The following PID1 variants were observed in gnomAD, a reference collection of about 807,000 sequenced individuals.
The protein encoded by PID1 is phosphotyrosine interaction domain containing 1, also known as PTB-containing, cubilin and LRP1-interacting protein.
A neutral mutation model predicts 19.1 loss-of-function variants in PID1; 10 were observed. That is an observed-to-expected ratio of 0.52 (90% CI 0.32 to 0.89). The LOEUF (loss-of-function observed/expected upper bound fraction) is 0.89, where lower values mean the gene tolerates loss of function less well. PID1 is among the 40% of genes least tolerant of loss of function. PID1 has a pLI of 0.03. For missense variants in PID1, 248 were observed against 285.3 expected, an observed-to-expected ratio of 0.87 and a Z score of 0.94; for synonymous variants, 130 against 116.0, an observed-to-expected ratio of 1.12 and a Z score of -0.78.
intron 1 of PID1, among the ~76,000 whole-genome samples, chr2:229,213,950 T>C (rs1371015885): frequency 6.6e-6 from 1 of 152,224 alleles, no homozygotes; most frequent in Non-Finnish European, 1.5e-5. Context: ...ATTACATCAT[T>C]ACACTTTGAA....
At chr2:229,120,333 A>G (rs2106157546) in intron 2 of PID1, among the ~76,000 whole-genome samples, 2 of 152,284 alleles carry the variant, frequency 1.3e-5, no homozygotes, top group Middle Eastern at 6.8e-3. Flanking sequence ...TTCATTCTAT[A>G]TTCTTGCAAT....
At chr2:229,142,020 C>T (rs2023498) in intron 2 of PID1, among the ~76,000 whole-genome samples, 32,966 of 151,898 alleles carry the variant, frequency 0.22, 4,024 homozygotes, top group South Asian at 0.48. Flanking sequence ...AAAAAATCCC[C>T]CTTCATATTT....
chr2:229,165,742 G>A (rs745487913), intron 1 of PID1, among the ~76,000 whole-genome samples: 2 of 152,094 alleles, frequency 1.3e-5, no homozygotes, highest in Non-Finnish European at 2.9e-5. Flanking sequence ...TTACACTGAT[G>A]GTTTTAACCA....
At chr2:229,072,553 G>A (rs755166025) in intron 2 of PID1, among the ~76,000 whole-genome samples, 14 of 151,220 alleles carry the variant, frequency 9.3e-5, no homozygotes, top group African/African-American at 2.9e-4. Flanking sequence ...GCACCACATC[G>A]CTCCAGCCTG....
intron 2 of PID1, among the ~76,000 whole-genome samples, chr2:229,093,325 C>G (rs1044559370): frequency 6.6e-6 from 1 of 151,754 alleles, no homozygotes; most frequent in Admixed American, 6.6e-5. Context: ...GGTTTCACCA[C>G]GTTGTCCAGG....
chr2:229,246,333 C>T (rs532496695), intron 1 of PID1, among the ~76,000 whole-genome samples: 105 of 152,246 alleles, frequency 6.9e-4, no homozygotes, highest in Middle Eastern at 3.4e-3. Flanking sequence ...TCCTCATTCA[C>T]GTAACATTTG....
At chr2:229,156,828 C>G (rs775894252) in intron 1 of PID1, among the ~76,000 whole-genome samples, 14 of 152,150 alleles carry the variant, frequency 9.2e-5, no homozygotes, top group Non-Finnish European at 2.1e-4. Context: ...GACCTACTAC[C>G]TCTCTGATTT....
intron 1 of PID1, among the ~76,000 whole-genome samples, chr2:229,250,882 T>C (rs145604945): frequency 1.1e-3 from 167 of 152,322 alleles, no homozygotes; most frequent in Middle Eastern, 3.4e-3. Flanking sequence ...TGAAACCTTC[T>C]TGAGCACAGG....
intron 2 of PID1, among the ~76,000 whole-genome samples, chr2:229,108,009 C>T (rs573752665): frequency 7.9e-5 from 12 of 152,336 alleles, no homozygotes; most frequent in South Asian, 6.2e-4. Flanking sequence ...AACACACATA[C>T]ACACCGACAT....
At chr2:229,114,301 GA>G (rs1695367666) in intron 2 of PID1, among the ~76,000 whole-genome samples, 2 of 151,702 alleles carry the variant, frequency 1.3e-5, no homozygotes, top group Admixed American at 1.3e-4. Context: ...TTTTTTCAGG[GA>G]TACTTCTGTT....
intron 2 of PID1, among the ~76,000 whole-genome samples, chr2:229,087,846 A>G (rs1262837283): frequency 6.6e-6 from 1 of 152,178 alleles, no homozygotes; most frequent in Non-Finnish European, 1.5e-5. Flanking sequence ...AGAAAAGTCA[A>G]TTCCACCAAT....
rs368281395 is a variant in PID1 at position 229,260,716 on chromosome 2, G to A, written c.30+10298C>T. Among the ~76,000 whole-genome samples, 12 of 151,396 alleles carry A rather than the reference G, an allele frequency of 7.9e-5. No homozygotes were observed. The East Asian group carries it at 1.6e-3, about 20-fold the overall frequency. On this transcript the variant is annotated intron_variant, in intron 1 of 2. Coordinates refer to ENST00000392055, the MANE Select transcript of PID1 (RefSeq NM_001100818.2). The stretch of plus-strand genomic sequence containing the variant: ...TAACTTCTTTACATACTTCTAAACT[G>A]ACTGATTTGCTACCCTAAGCAGACA...
intron 2 of PID1, among the ~76,000 whole-genome samples, chr2:229,114,174 A>AACACACACACACACAC (rs151089843): frequency 1.6e-5 from 2 of 124,574 alleles, no homozygotes; most frequent in Admixed American, 8.1e-5. Context: ...TCTCCACACA[A>AACACACACACACACAC]ACACACACAC....
intron 2 of PID1, among the ~76,000 whole-genome samples, chr2:229,114,634 G>A (rs73998555): frequency 2.0e-5 from 3 of 151,876 alleles, no homozygotes; most frequent in Admixed American, 6.6e-5. Flanking sequence ...TTCACTATTC[G>A]CATTGACTGT....
rs548395087 is a variant in PID1, at chr2:229,113,478, A to G, written c.177+42340T>C. 1.9e-3 allele frequency among the ~76,000 whole-genome samples: 257 copies of G among 135,904 alleles called. 2 individuals are homozygous for G. Among genetic ancestry groups the G allele is most frequent in the African/African-American group, 6.5e-3 (236 of 36,310 alleles). The allele number at this position is 135,904 out of a possible 152,430, so 89.2% of individuals were successfully genotyped here. On this transcript the variant is annotated intron_variant, in intron 2 of 2. Transcript: ENST00000392055. ...CACACACACACATAGATATGTGTGT[A>G]TATATATATACATGTATGTGTGTGT...
chr2:229,177,742 A>G (rs1690854081), intron 1 of PID1, among the ~76,000 whole-genome samples: 1 of 152,176 alleles, frequency 6.6e-6, no homozygotes, highest in Non-Finnish European at 1.5e-5. Flanking sequence ...CATCATCATC[A>G]TCATCATCAT....
At chr2:229,199,074 T>G (rs1291825568) in intron 1 of PID1, among the ~76,000 whole-genome samples, 1 of 152,040 alleles carries the variant, frequency 6.6e-6, no homozygotes, top group Non-Finnish European at 1.5e-5. Context: ...TTCTAGATAC[T>G]GTGGCCAAGC....
chr2:229,114,135 T>C lies in PID1; in HGVS notation c.177+41683A>G, dbSNP rs62193228. On this transcript the variant is annotated intron_variant, in intron 2 of 2. Coordinates refer to ENST00000392055, the MANE Select transcript of PID1 (RefSeq NM_001100818.2). ...TCTTTCTCTCTCTCTCTCTCTCTCTTTCTCTCTCTCTCTCTTTCTCTCTCT... is the reference window on the plus strand; with the variant it reads ...TCTTTCTCTCTCTCTCTCTCTCTCTCTCTCTCTCTCTCTCTTTCTCTCTCT... Among the ~76,000 whole-genome samples the C allele has an allele frequency of 1.4e-3, 127 of 93,728 alleles. No individual in the cohort carries two copies. The Middle Eastern group carries it at 0.015, about 11-fold the overall frequency. 61.5% of individuals were successfully genotyped at this position (93,728 alleles called of 152,430 possible).
intron 2 of PID1, among the ~76,000 whole-genome samples, chr2:229,145,992 C>A (rs1690121803): frequency 6.6e-6 from 1 of 152,066 alleles, no homozygotes; most frequent in Non-Finnish European, 1.5e-5. Context: ...TTTCTGAATT[C>A]CAAGGAAATA....
Sources: gnomAD v4.1 joint callset for allele counts (sites outside exome capture counted in the v4.1 genomes callset) on GRCh38, gnomAD v4.1.1 for gene constraint, MANE v1.5 for transcripts, NCBI Gene and HGNC (gene_info 2026-07-23, HGNC 2026-07-21) for gene names.